WDFY4: variants seen among roughly 807,000 people sequenced by gnomAD.
The protein encoded by WDFY4 is WD repeat- and FYVE domain-containing protein 4.
In WDFY4, 169 loss-of-function variants were observed where a neutral mutation model predicts 351.9. That is an observed-to-expected ratio of 0.48 (90% CI 0.42 to 0.55). The LOEUF is 0.55. Among genes scored for constraint, WDFY4 ranks in the 20% least tolerant of loss-of-function variants. The probability of loss-of-function intolerance (pLI) is 0.00; values close to 1 mark genes in which losing one functional copy is unlikely to be tolerated. For missense variants in WDFY4, 3,803 were observed against 3,935.6 expected (o/e 0.97, Z 0.90); for synonymous variants, 1,622 against 1,574.6 (o/e 1.03, Z -0.71).
intron 44 of WDFY4, among the ~76,000 whole-genome samples, chr10:48,897,093 C>T (rs1837115919): frequency 6.6e-6 from 1 of 152,158 alleles, no homozygotes; most frequent in Non-Finnish European, 1.5e-5. Context: ...TGCTGGCCCC[C>T]ACTCTCACCC....
chr10:48,795,324 T>C (rs1424277831), intron 23 of WDFY4, among the ~76,000 whole-genome samples: 1 of 151,546 alleles, frequency 6.6e-6, no homozygotes, highest in Non-Finnish European at 1.5e-5. Context: ...TAAGAAAATA[T>C]AGCTTATTAG....
Position 48,746,182 on chromosome 10 carries a change from T to G in WDFY4, c.2459+2634T>G, listed in dbSNP as rs369999772. ...GTATCAGTTATTGAGAACGATGCATTCAAAATCTCTCATGATAAAGTGGAT... is the reference window on the plus strand; with the variant it reads ...GTATCAGTTATTGAGAACGATGCATGCAAAATCTCTCATGATAAAGTGGAT... On this transcript the variant is annotated intron_variant, in intron 12 of 61. Coordinates refer to ENST00000325239, the MANE Select transcript of WDFY4 (RefSeq NM_001394531.1). 3.9e-5 allele frequency: 6 copies of G among 152,426 alleles called. No homozygotes were observed. The South Asian group carries it at 8.3e-4, about 21-fold the overall frequency. 9.4% of individuals were successfully genotyped at this position (152,426 alleles called of 1,614,324 possible). A position where few individuals can be genotyped will look rare whatever the true frequency, so the allele number is the denominator to read the frequency against.
chr10:48,887,549 C>G (rs1471908991), intron 43 of WDFY4, among the ~76,000 whole-genome samples: 1 of 152,148 alleles, frequency 6.6e-6, no homozygotes, highest in South Asian at 2.1e-4. Flanking sequence ...GAGGCCAAGA[C>G]GGGCGGATCA....
Position 48,981,369 on chromosome 10 carries a change from C to G in WDFY4, c.9379C>G (p.His3127Asp), listed in dbSNP as rs1013153538. ...PPAQPPSPRG[H>D]KWEKNLALSR... ...CTTCTCTCACATGCTCCACACAGGC[C>G]ACAAGTGGGAGAAGAACCTGGCCTT... is the stretch of plus-strand genomic sequence containing the variant. The change falls in exon 61 of 62, where the codon CAC (histidine) becomes GAC (aspartate). Residue 3127 changes from histidine to aspartate, a missense_variant and splice_region_variant. His to Asp is a moderately conservative substitution (Grantham distance 81). Transcript: ENST00000325239. The G allele has an allele frequency of 6.4e-7, 1 of 1,551,610 alleles. No homozygotes were observed. The highest frequency in any genetic ancestry group is 8.7e-7 in the Non-Finnish European group (1 of 1,147,000).
At chr10:48,707,548 T>A (rs1367937905) in intron 1 of WDFY4, among the ~76,000 whole-genome samples, 1 of 152,000 alleles carries the variant, frequency 6.6e-6, no homozygotes, top group Non-Finnish European at 1.5e-5. Flanking sequence ...ACAAGTAAAA[T>A]AGGCATGTGA....
chr10:48,725,384 G>A (rs1278883692), intron 5 of WDFY4, among the ~76,000 whole-genome samples: 2 of 152,304 alleles, frequency 1.3e-5, no homozygotes, highest in East Asian at 3.9e-4. Context: ...AGTGGAGAGG[G>A]AGGTTTTGCA....
rs367677999 is a variant in WDFY4, at chr10:48,742,916, G to A, written c.1879-52G>A. 113 of 1,479,248 alleles carry A rather than the reference G, an allele frequency of 7.6e-5. 1 individual carries two copies. In the African/African-American group the frequency reaches 1.4e-3, roughly 18 times the overall value. The allele number at this position is 1,479,248 out of a possible 1,614,324, so 91.6% of individuals were successfully genotyped here. ...TCTGGCAGGAATGTGTGTGGGCTCAGGGTTAATCTACCTCCTGGAGTGCAC... is the reference window on the plus strand; with the variant it reads ...TCTGGCAGGAATGTGTGTGGGCTCAAGGTTAATCTACCTCCTGGAGTGCAC... On this transcript the variant is annotated intron_variant, in intron 11 of 61. Coordinates refer to ENST00000325239, the MANE Select transcript of WDFY4 (RefSeq NM_001394531.1).
At chr10:48,823,723 A>G in intron 35 of WDFY4, 1 of 993,524 alleles carries the variant, frequency 1.0e-6, no homozygotes, top group Non-Finnish European at 1.2e-6. Flanking sequence ...TAATATCCCA[A>G]ACATAGGTGC....
rs567272189 is a variant in WDFY4, at chr10:48,814,847, T to A, written c.5340+765T>A. Among the ~76,000 whole-genome samples, 11 of 152,356 alleles carry A rather than the reference T, an allele frequency of 7.2e-5. No homozygotes were observed. In the South Asian group the frequency reaches 2.3e-3, roughly 32 times the overall value. On this transcript the variant is annotated intron_variant, in intron 31 of 61. Coordinates refer to ENST00000325239, the MANE Select transcript of WDFY4 (RefSeq NM_001394531.1). ...GTGAATTTGGTGGAATCTTTCCAGATACTTCTCCAAGATTCGACCATATCC... is the reference window on the plus strand; with the variant it reads ...GTGAATTTGGTGGAATCTTTCCAGAAACTTCTCCAAGATTCGACCATATCC...
chr10:48,928,395 T>TGTGTGTGG, intron 47 of WDFY4, among the ~76,000 whole-genome samples: 1 of 147,472 alleles, frequency 6.8e-6, no homozygotes, highest in Admixed American at 6.7e-5. Context: ...TGTGTGTGTG[T>TGTGTGTGG]GTTGGTGGGG....
chr10:48,763,486 G>A (rs2065575042), intron 13 of WDFY4, among the ~76,000 whole-genome samples: 1 of 152,302 alleles, frequency 6.6e-6, no homozygotes, highest in Non-Finnish European at 1.5e-5. Flanking sequence ...CAGTGGTCTG[G>A]GTGGTCTTAG....
chr10:48,862,979 A>G (rs1025831060), intron 39 of WDFY4, among the ~76,000 whole-genome samples: 1 of 152,180 alleles, frequency 6.6e-6, no homozygotes, highest in African/African-American at 2.4e-5. Flanking sequence ...AGCTTCTTTC[A>G]CTTAGGATGT....
intron 13 of WDFY4, among the ~76,000 whole-genome samples, chr10:48,770,449 G>T (rs983888226): frequency 3.9e-5 from 6 of 152,162 alleles, no homozygotes; most frequent in African/African-American, 1.4e-4. Context: ...ACATTGTGAT[G>T]TTATTTTTGC....
intron 2 of WDFY4, among the ~76,000 whole-genome samples, chr10:48,719,566 A>T (rs963603147): frequency 6.6e-6 from 1 of 152,246 alleles, no homozygotes; most frequent in Admixed American, 6.5e-5. Flanking sequence ...TAAAGGAAAT[A>T]ATCAAATGAC....
chr10:48,943,543 G>T, intron 49 of WDFY4, 94 bp downstream of exon 49: 8 of 1,348,616 alleles, frequency 5.9e-6, no homozygotes, highest in African/African-American at 1.5e-5. Flanking sequence ...CTGCTAGGAG[G>T]TTCCGTCACA....
intron 32 of WDFY4, among the ~76,000 whole-genome samples, 163 bp from the exon 33 acceptor site, chr10:48,820,071 A>G (rs889477286): frequency 3.3e-5 from 5 of 152,152 alleles, no homozygotes; most frequent in Non-Finnish European, 7.4e-5. Flanking sequence ...AGGCCACTTT[A>G]TGAGCAGCTG....
At chr10:48,748,065 T>C (rs189280438) in intron 12 of WDFY4, among the ~76,000 whole-genome samples, 7 of 152,330 alleles carry the variant, frequency 4.6e-5, no homozygotes, top group Admixed American at 3.3e-4. Flanking sequence ...CTGTTCTCTA[T>C]ATTTCAGGGG....
chr10:48,829,043 GC>G, intron 37 of WDFY4, 147 bp downstream of exon 37: 2 of 576,498 alleles, frequency 3.5e-6, no homozygotes. Context: ...TTTTCAAAAA[GC>G]CAGAAGACTT....
chr10:48,939,049 G>A (rs1241384340), intron 47 of WDFY4, among the ~76,000 whole-genome samples: 3 of 152,196 alleles, frequency 2.0e-5, no homozygotes, highest in African/African-American at 7.2e-5. Context: ...GTAGCTCAAT[G>A]CAGGCACCCA....
Sources: gnomAD v4.1 joint callset for allele counts (sites outside exome capture counted in the v4.1 genomes callset) on GRCh38, gnomAD v4.1.1 for gene constraint, MANE v1.5 for transcripts, NCBI Gene and HGNC (gene_info 2026-07-23, HGNC 2026-07-21) for gene names.